WDR5: variants seen among roughly 807,000 people sequenced by gnomAD.
WDR5 encodes WD repeat domain 5.
For missense variants in WDR5, 187 were observed against 416.9 expected (o/e 0.45, Z 4.80); for synonymous variants, 144 against 161.6 (o/e 0.89, Z 0.83).
At chr9:134,144,016 C>T (rs1406620586) in intron 7 of WDR5, among the ~76,000 whole-genome samples, 2 of 152,252 alleles carry the variant, frequency 1.3e-5, no homozygotes, top group Non-Finnish European at 2.9e-5. Context: ...CCCATGCTGC[C>T]TGCCCGTGTG....
intron 7 of WDR5, among the ~76,000 whole-genome samples, chr9:134,144,863 G>A (rs1386963359): frequency 6.6e-6 from 1 of 152,080 alleles, no homozygotes; most frequent in Admixed American, 6.6e-5. Flanking sequence ...GTGAGCAAAT[G>A]TAGGAAGTAG....
chr9:134,138,186 C>T (rs986894331), intron 1 of WDR5, among the ~76,000 whole-genome samples: 2 of 152,192 alleles, frequency 1.3e-5, no homozygotes. Context: ...TCTGTTGTTC[C>T]TCCTCTGAGG....
chr9:134,157,881 C>CT lies in WDR5; in HGVS notation c.905-9dup, dbSNP rs766902461. Reference sequence around the variant, plus strand: ...GGGATGGCTCTGGTTCTGACTGTGTCTTTGTTTTCAGATGTCGTGATCTCA... The same window carrying CT: ...GGGATGGCTCTGGTTCTGACTGTGTCTTTTGTTTTCAGATGTCGTGATCTCA... On this transcript the variant is annotated splice_polypyrimidine_tract_variant and intron_variant, in intron 13 of 13. Coordinates refer to ENST00000358625, the MANE Select transcript of WDR5 (RefSeq NM_017588.3). This position sits in a 1 kb window ranked among gnomAD's most constrained non-coding sequence, Gnocchi z 5.0. 6.2e-7 allele frequency: 1 copy of CT among 1,613,850 alleles called. No homozygotes were observed. The highest frequency in any genetic ancestry group is 8.5e-7 in the Non-Finnish European group (1 of 1,179,744).
At chr9:134,153,873 C>T (rs1460313876) in intron 9 of WDR5, among the ~76,000 whole-genome samples, 1 of 152,164 alleles carries the variant, frequency 6.6e-6, no homozygotes, top group Non-Finnish European at 1.5e-5. Context: ...GTGGGGTTGC[C>T]ATGTCCTGAA....
At chr9:134,142,784 C>T in intron 7 of WDR5, 65 bp downstream of exon 7, 1 of 1,538,774 alleles carries the variant, frequency 6.5e-7, no homozygotes, top group Non-Finnish European at 9.0e-7. Context: ...CGGATGTGGC[C>T]AGCTGTCTCC....
chr9:134,156,612 G>A lies in WDR5; in HGVS notation c.904+19G>A. ...CACACAGGTGAGGGCCTGCGCTCCT[G>A]CAGTCACTGGCTGCCTGTTGATGTG... On this transcript the variant is annotated intron_variant, in intron 13 of 13. Coordinates refer to ENST00000358625, the MANE Select transcript of WDR5 (RefSeq NM_017588.3). 6.2e-7 allele frequency: 1 copy of A among 1,612,622 alleles called. No individual in the cohort carries two copies. The highest frequency in any genetic ancestry group is 8.5e-7 in the Non-Finnish European group (1 of 1,178,708).
At chr9:134,145,864 G>A (rs2132548566) in intron 7 of WDR5, among the ~76,000 whole-genome samples, 1 of 152,120 alleles carries the variant, frequency 6.6e-6, no homozygotes, top group South Asian at 2.1e-4. Flanking sequence ...AGAGCACTTG[G>A]AGTGCTCCTT....
At position 134,155,333 on chromosome 9, in the gene WDR5, C is replaced by G. The variant is rs760658665; in HGVS notation, c.708-7C>G. On this transcript the variant is annotated splice_polypyrimidine_tract_variant and splice_region_variant and intron_variant, in intron 10 of 13. Transcript: ENST00000358625. ...CATGCCGCCTCACCCCTCTCTCTGTCTTGCAGCACTCTGAAGCTCTGGGAC... is the reference window on the plus strand; with the variant it reads ...CATGCCGCCTCACCCCTCTCTCTGTGTTGCAGCACTCTGAAGCTCTGGGAC... 1 of 1,603,574 alleles carries G rather than the reference C, an allele frequency of 6.2e-7. No individual in the cohort carries two copies. The highest frequency in any genetic ancestry group is 1.1e-5 in the South Asian group (1 of 89,444).
chr9:134,137,158 C>G lies in WDR5; in HGVS notation c.-59+958C>G, dbSNP rs1431666703. Among the ~76,000 whole-genome samples, 7 of 152,284 alleles carry G rather than the reference C, an allele frequency of 4.6e-5. No homozygotes were observed. The East Asian group carries it at 9.7e-4, about 21-fold the overall frequency. ...GAGGGACTCAGGAATCGGCCTGTGGCATGCAGTCCAGGAGGGCACACTGAG... is the reference window on the plus strand; with the variant it reads ...GAGGGACTCAGGAATCGGCCTGTGGGATGCAGTCCAGGAGGGCACACTGAG... On this transcript the variant is annotated intron_variant, in intron 1 of 13. Transcript: ENST00000358625.
rs745714490 is a variant in WDR5 at position 134,139,937 on chromosome 9, G to A, written c.60G>A (p.Ser20=). 1.1e-5 allele frequency: 18 copies of A among 1,613,384 alleles called. No individual in the cohort carries two copies. The highest frequency in any genetic ancestry group is 1.0e-4 in the Admixed American group (6 of 59,986). The part of the protein sequence containing the change: ...TEAARAQPTP[S]SSATQSKPTP... ...CCGCCAGAGCACAGCCAACCCCTTC[G>A]TCATCCGCCACTCAGAGCAAGGTGC... The change falls in exon 2 of 14, where the codon TCG becomes TCA. Residue 20 remains serine, a synonymous_variant. Transcript: ENST00000358625.
intron 7 of WDR5, among the ~76,000 whole-genome samples, chr9:134,143,548 A>T (rs552675239): frequency 2.2e-4 from 31 of 143,856 alleles, no homozygotes; most frequent in African/African-American, 7.8e-4. Flanking sequence ...TTTTTTTGAG[A>T]CTGAGTCTCG....
chr9:134,155,679 C>G lies in WDR5; in HGVS notation c.742-14C>G, dbSNP rs762565593. The G allele has an allele frequency of 6.2e-7, 1 of 1,613,492 alleles. No individual in the cohort carries two copies. Among genetic ancestry groups the G allele is most frequent in the Admixed American group, 1.7e-5 (1 of 59,976 alleles). On this transcript the variant is annotated splice_polypyrimidine_tract_variant and intron_variant, in intron 11 of 13. Coordinates refer to ENST00000358625, the MANE Select transcript of WDR5 (RefSeq NM_017588.3). The stretch of plus-strand genomic sequence containing the variant: ...ACCATGACTCTGTGACCAGCCTGTC[C>G]CCTCCTGTTTCAGTGCCTGAAGACG...
At chr9:134,149,123 A>G (rs1312843137) in intron 8 of WDR5, among the ~76,000 whole-genome samples, 2 of 152,174 alleles carry the variant, frequency 1.3e-5, no homozygotes, top group Non-Finnish European at 2.9e-5. Flanking sequence ...TCTGTTTCCC[A>G]GTCTGACTCC....
intron 1 of WDR5, among the ~76,000 whole-genome samples, chr9:134,137,056 T>C (rs1831600095): frequency 6.6e-6 from 1 of 152,164 alleles, no homozygotes; most frequent in South Asian, 2.1e-4. Flanking sequence ...AGATGCAGAT[T>C]AATTCCTGTC....
Position 134,155,542 on chromosome 9 carries a change from T to A in WDR5, c.742-151T>A, listed in dbSNP as rs562664545. The A allele has an allele frequency of 4.1e-5, 51 of 1,243,206 alleles. No homozygotes were observed. The South Asian group carries it at 6.0e-4, about 15-fold the overall frequency. 77.0% of individuals were successfully genotyped at this position (1,243,206 alleles called of 1,614,324 possible). ...CCTGGGTATTTGTAGGGTGGCAGTC[T>A]GCAAGTTAAATCTTCGATTGTGTGG... On this transcript the variant is annotated intron_variant, in intron 11 of 13. Transcript: ENST00000358625.
At chr9:134,136,535 A>G (rs115004641) in intron 1 of WDR5, among the ~76,000 whole-genome samples, 2 of 151,428 alleles carry the variant, frequency 1.3e-5, no homozygotes, top group African/African-American at 4.9e-5. Flanking sequence ...CTCTCCCTCC[A>G]CTGCCCCTTC....
chr9:134,137,848 T>G (rs995751526), intron 1 of WDR5, among the ~76,000 whole-genome samples: 3 of 152,192 alleles, frequency 2.0e-5, no homozygotes, highest in African/African-American at 7.2e-5. Context: ...TTTCAAGTGA[T>G]TCTCCTGCCT....
At chr9:134,154,390 G>A (rs1832654342) in intron 9 of WDR5, 76 bp from the exon 10 acceptor site, 2 of 1,468,570 alleles carry the variant, frequency 1.4e-6, no homozygotes, top group East Asian at 2.3e-5. Flanking sequence ...CGTGGGGGAT[G>A]GGGAGCGGGT....
At chr9:134,149,986 T>C (rs571535637) in intron 8 of WDR5, among the ~76,000 whole-genome samples, 40 of 152,296 alleles carry the variant, frequency 2.6e-4, no homozygotes, top group African/African-American at 7.9e-4. Context: ...GAAAAGAACA[T>C]GTCCCCTGTG....
Sources: allele counts gnomAD v4.1 joint callset (sites outside exome capture counted in the v4.1 genomes callset), GRCh38; gene constraint gnomAD v4.1.1; non-coding constraint Gnocchi (gnomAD v3.1); transcripts MANE v1.5; gene names NCBI Gene and HGNC (gene_info 2026-07-23, HGNC 2026-07-21).